The following PTPRT variants were observed in gnomAD, a reference collection of about 807,000 sequenced individuals.
PTPRT encodes the protein protein tyrosine phosphatase receptor type T, also known as receptor-type tyrosine-protein phosphatase T.
In PTPRT, 56 loss-of-function variants were observed where a neutral mutation model predicts 176.8. The observed-to-expected ratio is 0.32, with a 90% CI of 0.26 to 0.40. The LOEUF (loss-of-function observed/expected upper bound fraction) is 0.40, where lower values mean the gene tolerates loss of function less well. PTPRT is among the 10% of genes least tolerant of loss of function. PTPRT has a pLI of 1.00. For synonymous variants in PTPRT, 783 were observed against 739.0 expected (o/e 1.06, Z -0.96); for missense variants, 1,540 against 1,908.2 (o/e 0.81, Z 3.60).
chr20:42,856,139 T>G (rs2078559070), intron 2 of PTPRT, among the ~76,000 whole-genome samples: 1 of 152,060 alleles, frequency 6.6e-6, no homozygotes, highest in African/African-American at 2.4e-5. Flanking sequence ...TAGACCTAAA[T>G]CTAGTGTCAG....
intron 1 of PTPRT, among the ~76,000 whole-genome samples, chr20:43,106,384 G>A (rs1022398535): frequency 5.9e-5 from 9 of 152,188 alleles, no homozygotes; most frequent in Non-Finnish European, 1.2e-4. Flanking sequence ...GTGGCCGGGT[G>A]CAGTGGCTCA....
intron 6 of PTPRT, among the ~76,000 whole-genome samples, chr20:42,697,570 A>G (rs534806082): frequency 1.3e-5 from 2 of 152,368 alleles, no homozygotes; most frequent in Admixed American, 6.5e-5. Flanking sequence ...TGGGGCAGAC[A>G]CTGGGTCTTC....
At chr20:42,782,533 G>C (rs2077229891) in intron 3 of PTPRT, among the ~76,000 whole-genome samples, 1 of 152,192 alleles carries the variant, frequency 6.6e-6, no homozygotes, top group Admixed American at 6.5e-5. Context: ...GACCCATTCA[G>C]TCACCCAAGC....
intron 1 of PTPRT, among the ~76,000 whole-genome samples, chr20:42,886,213 C>T (rs778756506): frequency 2.0e-5 from 3 of 152,110 alleles, no homozygotes; most frequent in Non-Finnish European, 2.9e-5. Flanking sequence ...TAAACAGCAG[C>T]GTCTCATTCT....
Position 42,670,722 on chromosome 20 carries a change from G to A in PTPRT, c.1153+7144C>T, listed in dbSNP as rs537696035. Among the ~76,000 whole-genome samples, 15 of 152,244 alleles carry A rather than the reference G, an allele frequency of 9.9e-5. No individual in the cohort carries two copies. The South Asian group carries it at 2.9e-3, about 29-fold the overall frequency. On this transcript the variant is annotated intron_variant, in intron 7 of 30. Coordinates refer to ENST00000373187, the MANE Select transcript of PTPRT (RefSeq NM_007050.6). ...ACAATGAAGTGGGTTCCCAGGCAAG[G>A]GGCCTTTGATTGACACGCAAGGGGG...
At chr20:42,270,273 TG>T (rs1315447720) in intron 13 of PTPRT, 14 of 646,364 alleles carry the variant, frequency 2.2e-5, no homozygotes, top group Non-Finnish European at 2.9e-5. Context: ...GGTGAATGGG[TG>T]GGGGGGTGGG....
chr20:42,389,642 T>G (rs1469277908), intron 9 of PTPRT, among the ~76,000 whole-genome samples: 1 of 151,946 alleles, frequency 6.6e-6, no homozygotes, highest in Non-Finnish European at 1.5e-5. Flanking sequence ...TGCTTGAGTC[T>G]AGGAGTTTGA....
chr20:42,396,611 T>C (rs2058852509), intron 9 of PTPRT, among the ~76,000 whole-genome samples: 1 of 152,208 alleles, frequency 6.6e-6, no homozygotes, highest in Non-Finnish European at 1.5e-5. Context: ...GCTTAGGCTA[T>C]AGTGCAGTGG....
chr20:43,034,784 C>T lies in PTPRT; in HGVS notation c.89-148852G>A, dbSNP rs543231861. On this transcript the variant is annotated intron_variant, in intron 1 of 30. Transcript: ENST00000373187. The stretch of plus-strand genomic sequence containing the variant: ...CTAATGCTCCACCTCTCCTGTTGAC[C>T]AAACCCAAGGAATTCCCCACTTCAG... Among the ~76,000 whole-genome samples, 5 of 152,072 alleles carry T rather than the reference C, an allele frequency of 3.3e-5. No homozygotes were observed. In the South Asian group the frequency reaches 1.0e-3, roughly 32 times the overall value.
At chr20:42,303,950 G>A (rs772396009) in intron 12 of PTPRT, among the ~76,000 whole-genome samples, 1 of 152,172 alleles carries the variant, frequency 6.6e-6, no homozygotes, top group Non-Finnish European at 1.5e-5. Context: ...ATTTTCATCA[G>A]TGTCTTGTAC....
chr20:42,795,036 G>A (rs1298965905), intron 2 of PTPRT, among the ~76,000 whole-genome samples: 1 of 152,080 alleles, frequency 6.6e-6, no homozygotes, highest in Non-Finnish European at 1.5e-5. Context: ...AGCTCTGTGG[G>A]GCCCGCTTTG....
chr20:42,097,751 G>GT (rs1247587169), intron 27 of PTPRT, among the ~76,000 whole-genome samples: 1 of 152,232 alleles, frequency 6.6e-6, no homozygotes, highest in African/African-American at 2.4e-5. Context: ...GAAAGGATAG[G>GT]TTTTTAAAAA....
chr20:42,088,702 C>A (rs1404621652), intron 27 of PTPRT, among the ~76,000 whole-genome samples: 2 of 152,218 alleles, frequency 1.3e-5, no homozygotes, highest in African/African-American at 2.4e-5. Context: ...TGCTTTCATG[C>A]ATCACCCACA....
At chr20:43,125,053 T>C (rs559625268) in intron 1 of PTPRT, among the ~76,000 whole-genome samples, 173 of 151,916 alleles carry the variant, frequency 1.1e-3, no homozygotes, top group Middle Eastern at 0.01. Context: ...TGGAGTGCAA[T>C]GGCACAATCT....
At chr20:42,757,543 G>T (rs909067175) in intron 5 of PTPRT, among the ~76,000 whole-genome samples, 2 of 152,178 alleles carry the variant, frequency 1.3e-5, no homozygotes, top group African/African-American at 2.4e-5. Context: ...AAAAAGCCAC[G>T]TTCAGCTCAC....
intron 1 of PTPRT, among the ~76,000 whole-genome samples, chr20:43,139,187 C>T (rs1436853963): frequency 6.6e-6 from 1 of 152,228 alleles, no homozygotes; most frequent in Admixed American, 6.5e-5. Context: ...GAGACTGTGA[C>T]TTTATCAATC....
rs75637173 is a variant in PTPRT, at chr20:42,520,407, T to C, written c.1154-47845A>G. On this transcript the variant is annotated intron_variant, in intron 7 of 30. Coordinates refer to ENST00000373187, the MANE Select transcript of PTPRT (RefSeq NM_007050.6). ...TCAAAGTAACCAGTATCATGACTTT[T>C]ATAATAACCCCTTTCTTCTTTTATT... is the stretch of plus-strand genomic sequence containing the variant. Among the ~76,000 whole-genome samples the C allele has an allele frequency of 1.3e-4, 20 of 152,242 alleles. No homozygotes were observed. The East Asian group carries it at 3.5e-3, about 26-fold the overall frequency.
intron 1 of PTPRT, among the ~76,000 whole-genome samples, chr20:43,039,182 T>A (rs1295098681): frequency 6.6e-6 from 1 of 152,202 alleles, no homozygotes; most frequent in African/African-American, 2.4e-5. Context: ...TATGAAAACA[T>A]ATCATAGCTA....
chr20:42,906,094 G>A (rs575372941), intron 1 of PTPRT, among the ~76,000 whole-genome samples: 6 of 151,952 alleles, frequency 3.9e-5, no homozygotes, highest in African/African-American at 4.8e-5. Context: ...ACAAAAACCC[G>A]AGACCACAGC....
Sources: allele counts gnomAD v4.1 joint callset (sites outside exome capture counted in the v4.1 genomes callset), GRCh38; gene constraint gnomAD v4.1.1; transcripts MANE v1.5; gene names NCBI Gene and HGNC (gene_info 2026-07-23, HGNC 2026-07-21).